The following GLRA1 variants were observed in gnomAD, a reference collection of about 807,000 sequenced individuals.
GLRA1 encodes glycine receptor alpha 1.
Under a neutral mutation model 48.3 loss-of-function variants are expected in GLRA1, and 37 were observed. That is an observed-to-expected ratio of 0.77 (90% CI 0.59 to 1.01). The LOEUF (loss-of-function observed/expected upper bound fraction) is 1.01, where lower values mean the gene tolerates loss of function less well. Among genes scored for constraint, GLRA1 ranks in the 50% least tolerant of loss-of-function variants. GLRA1 has a pLI of 0.00. For synonymous variants in GLRA1, 196 were observed against 210.7 expected, an observed-to-expected ratio of 0.93 and a Z score of 0.60; for missense variants, 427 against 571.0, an observed-to-expected ratio of 0.75 and a Z score of 2.57.
At chr5:151,849,126 TTC>T (rs1752778954) in intron 7 of GLRA1, 3 of 206,590 alleles carry the variant, frequency 1.5e-5, no homozygotes, top group Non-Finnish European at 2.5e-5. Flanking sequence ...CTTTCTTTCT[TTC>T]TTTCTTTCTT....
intron 2 of GLRA1, among the ~76,000 whole-genome samples, chr5:151,891,772 A>C (rs1379185576): frequency 2.0e-5 from 3 of 152,210 alleles, no homozygotes; most frequent in Admixed American, 2.0e-4. Flanking sequence ...TTGGGAGCCC[A>C]TTATTGAAAA....
intron 7 of GLRA1, among the ~76,000 whole-genome samples, chr5:151,832,639 A>G (rs1215685975): frequency 6.6e-6 from 1 of 152,216 alleles, no homozygotes; most frequent in Non-Finnish European, 1.5e-5. Flanking sequence ...TCCAAGAAAT[A>G]CAGGACTCTG....
chr5:151,910,518 T>C (rs1754582908), intron 1 of GLRA1, among the ~76,000 whole-genome samples: 1 of 152,190 alleles, frequency 6.6e-6, no homozygotes, highest in African/African-American at 2.4e-5. Flanking sequence ...CAGACTGTTT[T>C]GCTATTTGCC....
intron 3 of GLRA1, among the ~76,000 whole-genome samples, chr5:151,874,501 T>C (rs568153957): frequency 2.6e-5 from 4 of 152,266 alleles, no homozygotes; most frequent in Admixed American, 6.5e-5. Flanking sequence ...TTAGAGAACC[T>C]TTCCACAAAT....
chr5:151,845,778 C>T (rs989781712), intron 7 of GLRA1, among the ~76,000 whole-genome samples: 1 of 151,548 alleles, frequency 6.6e-6, no homozygotes, highest in Non-Finnish European at 1.5e-5. Context: ...TTCACAGCAG[C>T]ATTATTTATA....
At chr5:151,839,868 G>A (rs934582494) in intron 7 of GLRA1, among the ~76,000 whole-genome samples, 1 of 152,132 alleles carries the variant, frequency 6.6e-6, no homozygotes, top group Non-Finnish European at 1.5e-5. Context: ...CCAGGTTTCA[G>A]AACTATGAAA....
chr5:151,869,547 C>T (rs1753422438), intron 3 of GLRA1, among the ~76,000 whole-genome samples: 1 of 151,192 alleles, frequency 6.6e-6, no homozygotes, highest in Non-Finnish European at 1.5e-5. Context: ...AACCCCGTCT[C>T]TACTAAAAAT....
chr5:151,844,621 C>CAAAAAAAAAAAAAAAAAAAA (rs202218874), intron 7 of GLRA1, among the ~76,000 whole-genome samples: 2 of 49,740 alleles, frequency 4.0e-5, no homozygotes, highest in Admixed American at 2.8e-4. Flanking sequence ...TACTCTATCT[C>CAAAAAAAAAAAAAAAAAAAA]AAAAAAAAAA....
chr5:151,883,192 C>G (rs971364043), intron 3 of GLRA1, among the ~76,000 whole-genome samples: 1 of 152,166 alleles, frequency 6.6e-6, no homozygotes, highest in African/African-American at 2.4e-5. Context: ...CCTTCATTTC[C>G]TGTCGGAAGA....
Position 151,894,666 on chromosome 5 carries a change from C to T in GLRA1, c.57-2228G>A, listed in dbSNP as rs78887560. On this transcript the variant is annotated intron_variant, in intron 1 of 8. Coordinates refer to ENST00000274576, the MANE Select transcript of GLRA1 (RefSeq NM_000171.4). ...TTTGTTTGTTTGTTCTTTCATTCCC[C>T]ACTGTGTCTACCATGGTGTCTCATA... Among the ~76,000 whole-genome samples, 190 of 152,260 alleles carry T rather than the reference C, an allele frequency of 1.2e-3. 1 individual carries two copies. Among genetic ancestry groups the T allele is most frequent in the African/African-American group, 4.3e-3 (179 of 41,532 alleles).
intron 3 of GLRA1, among the ~76,000 whole-genome samples, chr5:151,864,139 A>ATGTGTGTGTG (rs5872230): frequency 1.3e-5 from 2 of 150,120 alleles, no homozygotes; most frequent in African/African-American, 4.9e-5. Flanking sequence ...TGAAGTGTGC[A>ATGTGTGTGTG]TGTGTGTGTG....
chr5:151,895,627 G>C (rs1161679683), intron 1 of GLRA1, among the ~76,000 whole-genome samples: 1 of 43,802 alleles, frequency 2.3e-5, no homozygotes, highest in Non-Finnish European at 6.9e-5. Context: ...GTGTGTGTCT[G>C]TGTGTGTGTG....
At chr5:151,919,188 C>A (rs148504412) in intron 1 of GLRA1, among the ~76,000 whole-genome samples, 5 of 151,912 alleles carry the variant, frequency 3.3e-5, no homozygotes, top group Non-Finnish European at 5.9e-5. Context: ...GTATTTCTGG[C>A]GGTTACTTGT....
chr5:151,847,743 G>C (rs1752716539), intron 7 of GLRA1, among the ~76,000 whole-genome samples: 1 of 151,636 alleles, frequency 6.6e-6, no homozygotes, highest in African/African-American at 2.4e-5. Context: ...AAAAAAAAGT[G>C]AATTAAGCAG....
intron 1 of GLRA1, among the ~76,000 whole-genome samples, chr5:151,910,827 G>C (rs955308899): frequency 1.3e-5 from 2 of 152,172 alleles, no homozygotes; most frequent in Non-Finnish European, 2.9e-5. Flanking sequence ...TGGGTTTATA[G>C]CACTTACTAG....
rs1292920172 is a variant in GLRA1 at position 151,849,491 on chromosome 5, CCTTT to C, written c.912+1895_912+1898del. Among the ~76,000 whole-genome samples the C allele has an allele frequency of 7.5e-5, 6 of 79,590 alleles. 3 individuals are homozygous for C. Among genetic ancestry groups the C allele is most frequent in the African/African-American group, 1.1e-4 (2 of 17,524 alleles). 52.2% of individuals were successfully genotyped at this position (79,590 alleles called of 152,430 possible). ...TCCTTCCTTCCTTCCTTCCTTCCTT[CCTTT>C]CTTTTCTTTCTTTCTTTCTTTCTTT... is the stretch of plus-strand genomic sequence containing the variant. On this transcript the variant is annotated intron_variant, in intron 7 of 8. Coordinates refer to ENST00000274576, the MANE Select transcript of GLRA1 (RefSeq NM_000171.4).
At chr5:151,886,648 A>G in intron 3 of GLRA1, 73 bp downstream of exon 3, 1 of 1,120,248 alleles carries the variant, frequency 8.9e-7, no homozygotes, top group South Asian at 1.2e-5. Context: ...GGTGGAGACC[A>G]ATGCAGAGGA....
intron 1 of GLRA1, among the ~76,000 whole-genome samples, chr5:151,921,047 G>A (rs923990932): frequency 6.6e-6 from 1 of 152,202 alleles, no homozygotes; most frequent in African/African-American, 2.4e-5. Context: ...GATGACCTTT[G>A]TTAGCAGTTG....
Position 151,859,786 on chromosome 5 carries a change from T to G in GLRA1, c.475A>C (p.Arg159=), listed in dbSNP as rs1381731804. ...SRNGNVLYSI[R]ITLTLACPMD... ...TGGGTGAACCTGGTCAGAACTCACCTGATGCTGTAGAGGACATTCCCATTC... is the reference window on the plus strand; with the variant it reads ...TGGGTGAACCTGGTCAGAACTCACCGGATGCTGTAGAGGACATTCCCATTC... The change falls in exon 4 of 9, where the codon AGA becomes CGA. Residue 159 remains arginine (R), a splice_region_variant and synonymous_variant. Coordinates refer to ENST00000274576, the MANE Select transcript of GLRA1 (RefSeq NM_000171.4). 7 of 1,605,850 alleles carry G rather than the reference T, an allele frequency of 4.4e-6. No individual in the cohort carries two copies. The highest frequency in any genetic ancestry group is 6.0e-6 in the Non-Finnish European group (7 of 1,172,520).
Sources: gnomAD v4.1 joint callset for allele counts (sites outside exome capture counted in the v4.1 genomes callset) on GRCh38, gnomAD v4.1.1 for gene constraint, MANE v1.5 for transcripts, NCBI Gene and HGNC (gene_info 2026-07-23, HGNC 2026-07-21) for gene names.